Variants in DNAH2 observed in about 807,000 individuals in gnomAD.
DNAH2 encodes the protein axonemal beta dynein heavy chain 2.
DNAH2 carries 323 observed loss-of-function variants against 523.5 expected under a neutral mutation model. The observed-to-expected ratio is 0.62, with a 90% confidence interval of 0.56 to 0.68. The LOEUF is 0.68. Ranked by LOEUF, DNAH2 falls within the 30% of genes least tolerant of loss-of-function variation. DNAH2 has a pLI of 0.00. For missense variants in DNAH2, 4,907 were observed against 5,701.5 expected, an observed-to-expected ratio of 0.86 and a Z score of 4.49; for synonymous variants, 2,093 against 2,177.4, an observed-to-expected ratio of 0.96 and a Z score of 1.08.
At chr17:7,728,127 A>G (rs992958196) in intron 4 of DNAH2, among the ~76,000 whole-genome samples, 1 of 152,198 alleles carries the variant, frequency 6.6e-6, no homozygotes, top group Non-Finnish European at 1.5e-5. Flanking sequence ...AGTCTTTTAT[A>G]GTTTAGATAG....
chr17:7,829,423 G>A (rs965689718), intron 77 of DNAH2, among the ~76,000 whole-genome samples: 8 of 152,126 alleles, frequency 5.3e-5, no homozygotes, highest in South Asian at 4.1e-4. Flanking sequence ...TTCTGTCCTC[G>A]GTGCCTTTAT....
At chr17:7,761,314 C>T (rs565229732) in intron 18 of DNAH2, among the ~76,000 whole-genome samples, 1 of 152,242 alleles carries the variant, frequency 6.6e-6, no homozygotes, top group East Asian at 1.9e-4. Context: ...ATTGCCTAGG[C>T]TGGAGTGCAG....
chr17:7,824,027 C>T, intron 75 of DNAH2, 45 bp downstream of exon 75: 2 of 1,596,416 alleles, frequency 1.3e-6, no homozygotes, highest in Non-Finnish European at 1.7e-6. Flanking sequence ...TGGGTCTTTC[C>T]TGCCTCCCTC....
At chr17:7,768,124 G>A in intron 23 of DNAH2, 40 bp from the exon 24 acceptor site, 1 of 1,614,222 alleles carries the variant, frequency 6.2e-7, no homozygotes, top group Non-Finnish European at 8.5e-7. Context: ...TGTTCCCAGG[G>A]AGGTCGTCGG....
chr17:7,734,143 C>A (rs1432333516), intron 5 of DNAH2, 40 bp from the exon 6 acceptor site: 4 of 1,534,850 alleles, frequency 2.6e-6, no homozygotes, highest in South Asian at 1.2e-5. Context: ...AGCAAGAACT[C>A]ATCCCCTCTG....
chr17:7,765,126 C>T (rs534305284), intron 20 of DNAH2, among the ~76,000 whole-genome samples: 13 of 152,298 alleles, frequency 8.5e-5, no homozygotes, highest in African/African-American at 2.9e-4. Context: ...GTGCAAAACT[C>T]GTCCCCAGAC....
In DNAH2 at chr17:7,764,321, G is replaced by A. The variant is rs753689802; in HGVS notation, c.3336+48G>A. 9.6e-6 allele frequency: 15 copies of A among 1,556,614 alleles called. 1 individual carries two copies. The Admixed American group carries it at 2.8e-4, about 29-fold the overall frequency. On this transcript the variant is annotated intron_variant, in intron 20 of 85. Transcript: ENST00000572933. ...TTACCTGGGACCCGTATCAGCAGCA[G>A]ATTGCGGGGGAGGCCCTTGGCTGTC...
chr17:7,830,182 C>A, intron 77 of DNAH2, 118 bp from the exon 78 acceptor site: 1 of 1,089,766 alleles, frequency 9.2e-7, no homozygotes, highest in Non-Finnish European at 1.3e-6. Context: ...AGCCTCCACT[C>A]ACCCTTTCAG....
chr17:7,771,267 A>G, intron 27 of DNAH2, 63 bp from the exon 28 acceptor site: 1 of 1,602,116 alleles, frequency 6.2e-7, no homozygotes, highest in East Asian at 2.2e-5. Context: ...ATCTGGGAAC[A>G]GGGAGCAGAG....
In DNAH2 at chr17:7,823,589, T is replaced by C; in HGVS notation, c.11290T>C (p.Trp3764Arg). 6.2e-7 allele frequency: 1 copy of C among 1,614,140 alleles called. No homozygotes were observed. The highest frequency in any genetic ancestry group is 8.5e-7 in the Non-Finnish European group (1 of 1,180,012). ...GCAGTACCCTCGTGACTGGCACCTG[T>C]GGTATACCAATGCTGCCCCGGAGAA... ...FEQYPRDWHLWYTNAAPEKAM... is the reference protein window; with the variant it reads ...FEQYPRDWHLRYTNAAPEKAM... Residue 3764 changes from tryptophan (W) to arginine (R), a missense_variant, in exon 74 of 86, where the codon TGG becomes CGG. Trp to Arg is a moderately radical substitution (Grantham distance 101). Coordinates refer to ENST00000572933, the MANE Select transcript of DNAH2 (RefSeq NM_020877.5).
At chr17:7,823,727 G>A in intron 74 of DNAH2, 99 bp downstream of exon 74, 1 of 1,577,508 alleles carries the variant, frequency 6.3e-7, no homozygotes, top group Admixed American at 1.7e-5. Flanking sequence ...CCCAGCTGGT[G>A]CCTGCCTCCT....
At position 7,764,211 on chromosome 17, in the gene DNAH2, A is replaced by G; in HGVS notation, c.3274A>G (p.Ile1092Val). 1.9e-6 allele frequency: 3 copies of G among 1,614,082 alleles called. No individual in the cohort carries two copies. Among genetic ancestry groups the G allele is most frequent in the Non-Finnish European group, 2.5e-6 (3 of 1,179,990 alleles). ...CGACTTGGCCAACGTGGAGACTCAG[A>G]TCCCTCCCATACACGAGCAATTTGC... is the stretch of plus-strand genomic sequence containing the variant. Reference protein sequence around the residue: ...KHDLANVETQIPPIHEQFAIL... With the variant: ...KHDLANVETQVPPIHEQFAIL... The change falls in exon 20 of 86, where the codon ATC becomes GTC. Residue 1092 changes from isoleucine (I) to valine (V), a missense_variant. Transcript: ENST00000572933.
At chr17:7,826,080 C>T (rs112324566) in intron 77 of DNAH2, among the ~76,000 whole-genome samples, 104 of 152,302 alleles carry the variant, frequency 6.8e-4, no homozygotes, top group African/African-American at 2.1e-3. Context: ...GCTGAGATTG[C>T]GCTGTTACAC....
At chr17:7,767,038 A>G (rs1431276344) in intron 22 of DNAH2, among the ~76,000 whole-genome samples, 1 of 152,074 alleles carries the variant, frequency 6.6e-6, no homozygotes, top group East Asian at 1.9e-4. Context: ...ATTACCCTAA[A>G]GGAAACTCTG....
rs377374227 is a variant in DNAH2 at position 7,764,131 on chromosome 17, C to T, written c.3194C>T (p.Pro1065Leu). 9.9e-6 allele frequency: 16 copies of T among 1,614,090 alleles called. No individual in the cohort carries two copies. Among genetic ancestry groups the T allele is most frequent in the Middle Eastern group, 1.6e-4 (1 of 6,084 alleles). Residue 1065 changes from proline (P) to leucine (L), a missense_variant, in exon 20 of 86, where the codon CCG (proline) becomes CTG (leucine). Transcript: ENST00000572933. ...CCCGCCTTCAGAATCAGCCGCCCTC[C>T]GCAGACACTGGAGGAACTGGGGGTC... ...KENAEKISRP[P>L]QTLEELGVSL...
In DNAH2 at chr17:7,776,152, G is replaced by A; in HGVS notation, c.4947+3G>A. ...GGGTGAAGGAGTGGGCTGGCCAGGT[G>A]AGCTGGGGTCAACAGAAGTGAGGGA... is the stretch of plus-strand genomic sequence containing the variant. On this transcript the variant is annotated splice_donor_region_variant and intron_variant, in intron 31 of 85. Coordinates refer to ENST00000572933, the MANE Select transcript of DNAH2 (RefSeq NM_020877.5). 4.3e-6 allele frequency: 7 copies of A among 1,613,176 alleles called. No individual in the cohort carries two copies. The highest frequency in any genetic ancestry group is 5.9e-6 in the Non-Finnish European group (7 of 1,179,570).
At position 7,832,924 on chromosome 17, in the gene DNAH2, C is replaced by A. The variant is rs116930996; in HGVS notation, c.12974C>A (p.Pro4325His). The change falls in exon 84 of 86, where the codon CCC (proline) becomes CAC (histidine). Residue 4325 changes from proline (P) to histidine (H), a missense_variant. Transcript: ENST00000572933. The surrounding 1 kb of genome is among the most constrained non-coding windows in gnomAD (Gnocchi z 4.3). ...TVDDSNLVYP[P>H]KDGVWVRGLY... Reference sequence around the variant, plus strand: ...GATGACAGCAACCTAGTGTATCCCCCCAAGGTGGGAGCCAGTTGTGCTTGG... The same window carrying A: ...GATGACAGCAACCTAGTGTATCCCCACAAGGTGGGAGCCAGTTGTGCTTGG... The A allele has an allele frequency of 1.2e-6, 2 of 1,614,142 alleles. No individual in the cohort carries two copies. Among genetic ancestry groups the A allele is most frequent in the South Asian group, 2.2e-5 (2 of 91,086 alleles).
Position 7,805,259 on chromosome 17 carries a change from A to G in DNAH2, c.9308A>G (p.Glu3103Gly). The G allele has an allele frequency of 6.2e-7, 1 of 1,614,174 alleles. No homozygotes were observed. The highest frequency in any genetic ancestry group is 8.5e-7 in the Non-Finnish European group (1 of 1,180,036). ...TATCCCCTTTTCCCCCAGGCCCTGGAGTCTCTGAACAAGAAGGATATAGGA... is the reference window on the plus strand; with the variant it reads ...TATCCCCTTTTCCCCCAGGCCCTGGGGTCTCTGAACAAGAAGGATATAGGA... ...PALEEAMRALESLNKKDIGEI... is the reference protein window; with the variant it reads ...PALEEAMRALGSLNKKDIGEI... The change falls in exon 61 of 86, where the codon GAG becomes GGG. Residue 3103 changes from glutamate to glycine, a missense_variant. Physicochemically the swap from Glu to Gly is moderately conservative, Grantham distance 98 (BLOSUM62 -2). Around this residue, in one of 3 missense-constraint regions of DNAH2, gnomAD observed 1,851 missense variants for 2,139.4 expected, o/e 0.87. Transcript: ENST00000572933.
At chr17:7,744,293 C>CAAAAA (rs397977899) in intron 12 of DNAH2, among the ~76,000 whole-genome samples, 3 of 37,116 alleles carry the variant, frequency 8.1e-5, no homozygotes, top group Non-Finnish European at 1.2e-4. Flanking sequence ...GTCTCCGTCT[C>CAAAAA]AAAAAAAAAA....
Sources: gnomAD v4.1 joint callset for allele counts (sites outside exome capture counted in the v4.1 genomes callset) on GRCh38, gnomAD v4.1.1 for gene constraint, gnomAD v4.1.1 regional missense constraint, Gnocchi (gnomAD v3.1) non-coding constraint, MANE v1.5 for transcripts, NCBI Gene and HGNC (gene_info 2026-07-23, HGNC 2026-07-21) for gene names.